GULP1: variants seen among roughly 807,000 people sequenced by gnomAD.
The protein encoded by GULP1 is GULP PTB domain containing engulfment adaptor 1, also known as PTB domain-containing engulfment adapter protein 1.
GULP1 carries 19 observed loss-of-function variants against 40.9 expected under a neutral mutation model. That is an observed-to-expected ratio of 0.46 (90% CI 0.32 to 0.68). GULP1 has a LOEUF of 0.68. GULP1 is among the 30% of genes least tolerant of loss of function. The probability of loss-of-function intolerance (pLI) is 0.03; values close to 1 mark genes in which losing one functional copy is unlikely to be tolerated. For synonymous variants in GULP1, 119 were observed against 117.6 expected, an observed-to-expected ratio of 1.01 and a Z score of -0.08; for missense variants, 312 against 362.2, an observed-to-expected ratio of 0.86 and a Z score of 1.12.
intron 4 of GULP1, among the ~76,000 whole-genome samples, chr2:188,484,156 C>A (rs2061666659): frequency 6.6e-6 from 1 of 152,102 alleles, no homozygotes; most frequent in Admixed American, 6.5e-5. Context: ...GGTCCACCTG[C>A]CTCAGCCCCC....
intron 1 of GULP1, among the ~76,000 whole-genome samples, chr2:188,369,792 C>T (rs1466052826): frequency 6.6e-6 from 1 of 152,152 alleles, no homozygotes; most frequent in Non-Finnish European, 1.5e-5. Context: ...ATTCTCTTCC[C>T]ATCCCGCTCA....
intron 2 of GULP1, among the ~76,000 whole-genome samples, chr2:188,447,084 T>C (rs1422899812): frequency 6.6e-6 from 1 of 152,158 alleles, no homozygotes; most frequent in African/African-American, 2.4e-5. Flanking sequence ...GACAACTTGC[T>C]TCCAGGTTAT....
intron 2 of GULP1, among the ~76,000 whole-genome samples, chr2:188,415,614 G>A (rs1160258638): frequency 6.6e-6 from 1 of 152,046 alleles, no homozygotes; most frequent in East Asian, 1.9e-4. Flanking sequence ...ACAAATAGAA[G>A]AACCTTGAGT....
intron 7 of GULP1, among the ~76,000 whole-genome samples, chr2:188,564,911 T>C (rs1417436163): frequency 1.3e-5 from 2 of 151,930 alleles, no homozygotes; most frequent in Non-Finnish European, 2.9e-5. Flanking sequence ...ATGGTTAATT[T>C]TTTTTCCCAC....
intron 4 of GULP1, among the ~76,000 whole-genome samples, chr2:188,501,001 A>T (rs892377164): frequency 6.6e-6 from 1 of 152,038 alleles, no homozygotes; most frequent in Admixed American, 6.6e-5. Context: ...CTTTATGTTC[A>T]TGACAGTTCT....
chr2:188,325,860 A>G (rs576422449), intron 1 of GULP1, among the ~76,000 whole-genome samples: 1 of 151,998 alleles, frequency 6.6e-6, no homozygotes, highest in African/African-American at 2.4e-5. Flanking sequence ...TCAGCACTTA[A>G]CTCTTCATAG....
chr2:188,559,844 G>T (rs577610455), intron 7 of GULP1, among the ~76,000 whole-genome samples: 5 of 152,058 alleles, frequency 3.3e-5, no homozygotes, highest in Non-Finnish European at 7.4e-5. Context: ...TCATCAGGGC[G>T]GTTTCCCACA....
chr2:188,403,308 T>G (rs1415367678), intron 2 of GULP1, among the ~76,000 whole-genome samples: 8 of 152,120 alleles, frequency 5.3e-5, no homozygotes. Flanking sequence ...AAATCTCTTG[T>G]TTTTTTAATT....
chr2:188,569,981 C>T, intron 8 of GULP1, 47 bp from the exon 9 acceptor site: 2 of 753,764 alleles, frequency 2.7e-6, no homozygotes, highest in Non-Finnish European at 4.5e-6. Flanking sequence ...CAATATTTTC[C>T]AAGAAAAAAA....
At chr2:188,485,002 G>A (rs1410450531) in intron 4 of GULP1, among the ~76,000 whole-genome samples, 1 of 151,972 alleles carries the variant, frequency 6.6e-6, no homozygotes, top group African/African-American at 2.4e-5. Flanking sequence ...CACAGATATT[G>A]TTTGTATTAG....
chr2:188,450,284 A>G (rs1442983300), intron 2 of GULP1, among the ~76,000 whole-genome samples: 1 of 152,166 alleles, frequency 6.6e-6, no homozygotes, highest in South Asian at 2.1e-4. Flanking sequence ...TTGTCTAATT[A>G]CTATTTTTAT....
At chr2:188,582,404 C>G in intron 9 of GULP1, 1 of 471,544 alleles carries the variant, frequency 2.1e-6, no homozygotes. Context: ...CTCTTTCTGG[C>G]GTAGTAATGG....
At chr2:188,520,407 G>A (rs1043160059) in intron 4 of GULP1, among the ~76,000 whole-genome samples, 1 of 151,606 alleles carries the variant, frequency 6.6e-6, no homozygotes, top group East Asian at 1.9e-4. Flanking sequence ...GTGGTGGCGC[G>A]TTCCTGTAAT....
intron 1 of GULP1, among the ~76,000 whole-genome samples, chr2:188,297,135 G>C (rs1287735699): frequency 6.6e-6 from 1 of 151,850 alleles, no homozygotes; most frequent in African/African-American, 2.4e-5. Flanking sequence ...AGTATTGCTA[G>C]AAATCCTAGA....
intron 7 of GULP1, among the ~76,000 whole-genome samples, chr2:188,560,656 G>A (rs989450659): frequency 2.0e-5 from 3 of 152,154 alleles, no homozygotes; most frequent in African/African-American, 7.2e-5. Flanking sequence ...TATAAAGAGA[G>A]AAGTTTAATT....
At chr2:188,451,190 C>A (rs187797459) in intron 2 of GULP1, among the ~76,000 whole-genome samples, 129 of 152,244 alleles carry the variant, frequency 8.5e-4, no homozygotes, top group African/African-American at 3.0e-3. Context: ...ATGGTACATT[C>A]GGGAGGAAAG....
At chr2:188,480,761 A>G (rs2061386356) in intron 3 of GULP1, among the ~76,000 whole-genome samples, 1 of 151,882 alleles carries the variant, frequency 6.6e-6, no homozygotes, top group African/African-American at 2.4e-5. Flanking sequence ...TAAGTAAAAA[A>G]GTATAAAAAT....
chr2:188,381,715 C>G (rs2049025529), intron 1 of GULP1, among the ~76,000 whole-genome samples: 1 of 151,944 alleles, frequency 6.6e-6, no homozygotes, highest in African/African-American at 2.4e-5. Flanking sequence ...CATTTAAGAC[C>G]AACAAACAAG....
chr2:188,590,014 C>T (rs925516355), intron 11 of GULP1: 14 of 208,572 alleles, frequency 6.7e-5, no homozygotes, highest in Non-Finnish European at 1.1e-4. Context: ...ATCGCCCTAC[C>T]CAAGCTGGAG....
Sources: gnomAD v4.1 joint callset for allele counts (sites outside exome capture counted in the v4.1 genomes callset) on GRCh38, gnomAD v4.1.1 for gene constraint, MANE v1.5 for transcripts, NCBI Gene and HGNC (gene_info 2026-07-23, HGNC 2026-07-21) for gene names.